PTPRN2: variants seen among roughly 807,000 people sequenced by gnomAD.
The protein encoded by PTPRN2 is protein tyrosine phosphatase receptor type N2.
A neutral mutation model predicts 118.8 loss-of-function variants in PTPRN2; 74 were observed. The observed-to-expected ratio is 0.62, with a 90% CI of 0.52 to 0.76. The LOEUF (loss-of-function observed/expected upper bound fraction) is 0.76. PTPRN2 is among the 30% of genes least tolerant of loss of function. The pLI, the probability that PTPRN2 is intolerant of heterozygous loss-of-function variation, is 0.00. For missense variants in PTPRN2, 1,481 were observed against 1,394.4 expected, an observed-to-expected ratio of 1.06 and a Z score of -0.99; for synonymous variants, 641 against 608.0, an observed-to-expected ratio of 1.05 and a Z score of -0.80.
intron 13 of PTPRN2, among the ~76,000 whole-genome samples, chr7:157,662,833 G>A (rs1267182557): frequency 6.6e-6 from 1 of 152,186 alleles, no homozygotes; most frequent in African/African-American, 2.4e-5. Context: ...GGATGTACCC[G>A]ATGTCTACAA....
At position 157,929,650 on chromosome 7, in the gene PTPRN2, G is replaced by A. The variant is rs1023958188; in HGVS notation, c.1724-30913C>T. Among the ~76,000 whole-genome samples the A allele has an allele frequency of 6.6e-6, 1 of 152,070 alleles. No individual in the cohort carries two copies. Among genetic ancestry groups the A allele is most frequent in the African/African-American group, 2.4e-5 (1 of 41,398 alleles). ...AAATCAAATTTATTCCCAATCCTCT[G>A]ATCTCCATTCACCAGCCTCCTCTGT... On this transcript the variant is annotated intron_variant, in intron 11 of 22. Coordinates refer to ENST00000389418, the MANE Select transcript of PTPRN2 (RefSeq NM_002847.5). This position sits in a 1 kb window ranked among gnomAD's most constrained non-coding sequence, Gnocchi z 4.4.
intron 9 of PTPRN2, among the ~76,000 whole-genome samples, chr7:158,116,899 C>T (rs1178699251): frequency 6.6e-6 from 1 of 152,030 alleles, no homozygotes; most frequent in Non-Finnish European, 1.5e-5. Flanking sequence ...ATCCTTGGCA[C>T]AAAGACAGCC....
intron 3 of PTPRN2, among the ~76,000 whole-genome samples, chr7:158,205,816 G>A (rs193030606): frequency 5.3e-5 from 8 of 152,238 alleles, no homozygotes; most frequent in African/African-American, 1.4e-4. Flanking sequence ...ATTGGAACTC[G>A]GTGCTGCCCT....
At chr7:158,223,034 C>T (rs1828483274) in intron 3 of PTPRN2, among the ~76,000 whole-genome samples, 1 of 152,058 alleles carries the variant, frequency 6.6e-6, no homozygotes, top group Admixed American at 6.6e-5. Flanking sequence ...AAAGGATAAT[C>T]AGGGAATAAA....
intron 11 of PTPRN2, among the ~76,000 whole-genome samples, chr7:158,042,233 AAAG>A (rs1808521876): frequency 6.6e-6 from 1 of 152,168 alleles, no homozygotes; most frequent in Admixed American, 6.5e-5. Flanking sequence ...CGTCCAGAAA[AAAG>A]AAGTCAGGGG....
chr7:158,582,151 A>G (rs1563455965), intron 1 of PTPRN2, among the ~76,000 whole-genome samples: 1 of 152,206 alleles, frequency 6.6e-6, no homozygotes, highest in Non-Finnish European at 1.5e-5. Flanking sequence ...CCTTCTATCA[A>G]CTAAGATTAA....
chr7:157,743,094 C>T (rs1271471833), intron 12 of PTPRN2, among the ~76,000 whole-genome samples: 1 of 152,194 alleles, frequency 6.6e-6, no homozygotes, highest in East Asian at 1.9e-4. Context: ...TGGAGAGAAC[C>T]TTGTAATGAA....
chr7:158,370,203 C>T (rs1809859964), intron 2 of PTPRN2, among the ~76,000 whole-genome samples: 1 of 151,998 alleles, frequency 6.6e-6, no homozygotes. Context: ...TTAGGGAGGC[C>T]GAGGCACACC....
rs187402909 is a variant in PTPRN2, at chr7:158,056,018, C to T, written c.1723+25280G>A. Reference sequence around the variant, plus strand: ...AGACCCCACTGCCTGTGGGTGGAGTCCGGGCCGAGGCCCCTTCCTCTCTGT... The same window carrying T: ...AGACCCCACTGCCTGTGGGTGGAGTTCGGGCCGAGGCCCCTTCCTCTCTGT... On this transcript the variant is annotated intron_variant, in intron 11 of 22. Transcript: ENST00000389418. Among the ~76,000 whole-genome samples, 13 of 152,316 alleles carry T rather than the reference C, an allele frequency of 8.5e-5. 1 individual carries two copies. The highest frequency in any genetic ancestry group is 8.5e-4 in the Admixed American group (13 of 15,306).
chr7:158,442,577 T>C (rs946324385), intron 2 of PTPRN2, among the ~76,000 whole-genome samples: 1 of 152,134 alleles, frequency 6.6e-6, no homozygotes, highest in Non-Finnish European at 1.5e-5. Context: ...ACTACAGGAT[T>C]CCATTTTTGT....
At chr7:157,666,995 CTG>C (rs1796169708) in intron 13 of PTPRN2, among the ~76,000 whole-genome samples, 1 of 133,432 alleles carries the variant, frequency 7.5e-6, no homozygotes, top group Admixed American at 7.5e-5. Flanking sequence ...ACACTGATCT[CTG>C]GTGTGTGCAA....
chr7:158,392,039 G>A (rs866155669), intron 2 of PTPRN2, among the ~76,000 whole-genome samples: 64 of 152,186 alleles, frequency 4.2e-4, no homozygotes, highest in Admixed American at 1.4e-3. Context: ...GGGCTGGTGC[G>A]GGGGGAGTAG....
intron 2 of PTPRN2, among the ~76,000 whole-genome samples, chr7:158,415,071 CTGATGATACAACCAGCTACTTCTCTGA>C (rs1337744755): frequency 6.6e-6 from 1 of 151,556 alleles, no homozygotes; most frequent in African/African-American, 2.4e-5. Flanking sequence ...AGCTACTTCT[CTGATGATACAACCAGCTACTTCTCTGA>C]TGATACAACC....
chr7:158,293,810 G>T (rs1227905688), intron 3 of PTPRN2, among the ~76,000 whole-genome samples: 2 of 151,494 alleles, frequency 1.3e-5, no homozygotes, highest in East Asian at 3.9e-4. Context: ...CCTACACAGG[G>T]CAGGCTCATC....
rs1438804381 is a variant in PTPRN2, at chr7:157,807,726, T to C, written c.1788+90947A>G. On this transcript the variant is annotated intron_variant, in intron 12 of 22. Transcript: ENST00000389418. Reference sequence around the variant, plus strand: ...CCATACAGCTGTCAGCTGCAGAGACTAGGCACCGCCCCTGCAAATGCCTGG... The same window carrying C: ...CCATACAGCTGTCAGCTGCAGAGACCAGGCACCGCCCCTGCAAATGCCTGG... Among the ~76,000 whole-genome samples, 4 of 152,200 alleles carry C rather than the reference T, an allele frequency of 2.6e-5. No individual in the cohort carries two copies. In the East Asian group the frequency reaches 7.7e-4, roughly 29 times the overall value.
intron 9 of PTPRN2, among the ~76,000 whole-genome samples, chr7:158,124,894 C>T (rs200881113): frequency 3.3e-5 from 5 of 152,222 alleles, no homozygotes; most frequent in African/African-American, 9.6e-5. Flanking sequence ...TTGGGTTCAA[C>T]GTGCACGGCG....
chr7:158,120,393 A>C (rs1420012365), intron 9 of PTPRN2, among the ~76,000 whole-genome samples: 1 of 152,190 alleles, frequency 6.6e-6, no homozygotes, highest in Non-Finnish European at 1.5e-5. Context: ...AAACAAGGTG[A>C]TTAGTATAAA....
intron 11 of PTPRN2, among the ~76,000 whole-genome samples, chr7:158,063,074 A>G (rs918940289): frequency 3.9e-5 from 6 of 152,210 alleles, no homozygotes; most frequent in Non-Finnish European, 7.3e-5. Context: ...TCTCTAGCTA[A>G]GGGGTTGTAA....
intron 2 of PTPRN2, among the ~76,000 whole-genome samples, chr7:158,348,519 C>A (rs1010118230): frequency 6.6e-6 from 1 of 151,908 alleles, no homozygotes; most frequent in Non-Finnish European, 1.5e-5. Flanking sequence ...CAGAGCCACC[C>A]TGGGGTCCCC....
Sources: gnomAD v4.1 joint callset for allele counts (sites outside exome capture counted in the v4.1 genomes callset) on GRCh38, gnomAD v4.1.1 for gene constraint, Gnocchi (gnomAD v3.1) non-coding constraint, MANE v1.5 for transcripts, NCBI Gene and HGNC (gene_info 2026-07-23, HGNC 2026-07-21) for gene names.